The following TENM3 variants were observed in gnomAD, a reference collection of about 807,000 sequenced individuals.
The protein encoded by TENM3 is teneurin transmembrane protein 3, also known as teneurin-3.
TENM3 carries 63 observed loss-of-function variants against 255.1 expected under a neutral mutation model. The observed-to-expected ratio is 0.25, with a 90% confidence interval of 0.20 to 0.30. TENM3 has a LOEUF of 0.30. TENM3 is among the 10% of genes least tolerant of loss of function. The probability of loss-of-function intolerance (pLI) is 1.00; values close to 1 mark genes in which losing one functional copy is unlikely to be tolerated. For missense variants in TENM3, 2,929 were observed against 3,461.1 expected, an observed-to-expected ratio of 0.85 and a Z score of 3.86; for synonymous variants, 1,306 against 1,322.3, an observed-to-expected ratio of 0.99 and a Z score of 0.27.
At chr4:182,266,298 A>G (rs1759239516) in intron 1 of TENM3, among the ~76,000 whole-genome samples, 1 of 152,260 alleles carries the variant, frequency 6.6e-6, no homozygotes, top group Admixed American at 6.5e-5. Flanking sequence ...AGAAGATTGT[A>G]AGAAGTCATG....
At chr4:182,089,366 A>G in the TENM3 span, among the ~76,000 whole-genome samples, 1 of 152,224 alleles carries the variant, frequency 6.6e-6, no homozygotes, top group Non-Finnish European at 1.5e-5. Flanking sequence ...CAGCTTACCT[A>G]GGCAGCAGAG....
At chr4:181,978,520 G>A in the TENM3 span, among the ~76,000 whole-genome samples, 70 of 151,796 alleles carry the variant, frequency 4.6e-4, no homozygotes, top group East Asian at 1.9e-4. Context: ...GGTGGTGCGC[G>A]CCTGTAATCC....
chr4:181,610,369 G>A, the TENM3 span, among the ~76,000 whole-genome samples: 1 of 152,200 alleles, frequency 6.6e-6, no homozygotes, highest in Admixed American at 6.5e-5. Context: ...TGCCATTAAA[G>A]CAGAAATGAC....
chr4:182,313,940 C>T lies in TENM3; in HGVS notation c.-75-10006C>T, dbSNP rs550116724. Reference sequence around the variant, plus strand: ...TCCATCCTTCAGCCAGAGAGATCTTCCTAAGCTAAAAGTCTGATTTATACA... The same window carrying T: ...TCCATCCTTCAGCCAGAGAGATCTTTCTAAGCTAAAAGTCTGATTTATACA... On this transcript the variant is annotated intron_variant, in intron 1 of 27. Transcript: ENST00000511685. Among the ~76,000 whole-genome samples, 3 of 152,304 alleles carry T rather than the reference C, an allele frequency of 2.0e-5. No individual in the cohort carries two copies. In the South Asian group the frequency reaches 6.2e-4, roughly 32 times the overall value.
chr4:181,823,531 G>A, the TENM3 span, among the ~76,000 whole-genome samples: 2 of 152,052 alleles, frequency 1.3e-5, no homozygotes, highest in African/African-American at 2.4e-5. Flanking sequence ...GCATCAAGAG[G>A]AAAATAAGGA....
chr4:181,507,284 G>A, the TENM3 span, among the ~76,000 whole-genome samples: 1 of 152,164 alleles, frequency 6.6e-6, no homozygotes, highest in East Asian at 1.9e-4. Flanking sequence ...TTCTCAAAAA[G>A]CCTTCAGGGT....
the TENM3 span, among the ~76,000 whole-genome samples, chr4:181,828,432 C>T: frequency 0.2 from 29,970 of 152,230 alleles, 3,130 homozygotes; most frequent in South Asian, 0.29. Context: ...CCACTATTTG[C>T]ATAAATCTTC....
At position 182,789,591 on chromosome 4, in the gene TENM3, C is replaced by T. The variant is rs1345302343; in HGVS notation, c.5601+202C>T. Among the ~76,000 whole-genome samples the T allele has an allele frequency of 6.6e-6, 1 of 152,234 alleles. No homozygotes were observed. The highest frequency in any genetic ancestry group is 1.5e-5 in the Non-Finnish European group (1 of 68,042). ...GTAGTTTCTCCTTAGTTAAGTTCTACTGTCTGAGACCCTTTTAAGTGATTT... is the reference window on the plus strand; with the variant it reads ...GTAGTTTCTCCTTAGTTAAGTTCTATTGTCTGAGACCCTTTTAAGTGATTT... On this transcript the variant is annotated intron_variant, in intron 25 of 27. Transcript: ENST00000511685. The surrounding 1 kb of genome is among the most constrained non-coding windows in gnomAD (Gnocchi z 4.4).
intron 26 of TENM3, among the ~76,000 whole-genome samples, chr4:182,794,604 T>C (rs1013049342): frequency 5.9e-5 from 9 of 152,240 alleles, no homozygotes; most frequent in Admixed American, 4.6e-4. Flanking sequence ...AGTTCTTGCA[T>C]GGTGACAATA....
chr4:182,504,750 G>T (rs1736647695), intron 3 of TENM3, among the ~76,000 whole-genome samples: 1 of 152,160 alleles, frequency 6.6e-6, no homozygotes, highest in Non-Finnish European at 1.5e-5. Flanking sequence ...GCAAAAAGCA[G>T]CTCCACTTCT....
At chr4:181,576,997 T>C in the TENM3 span, among the ~76,000 whole-genome samples, 1 of 130,878 alleles carries the variant, frequency 7.6e-6, no homozygotes, top group African/African-American at 2.9e-5. Flanking sequence ...ATATATTATA[T>C]ATATAATATA....
At chr4:181,768,051 T>G in the TENM3 span, among the ~76,000 whole-genome samples, 5 of 152,188 alleles carry the variant, frequency 3.3e-5, no homozygotes, top group African/African-American at 1.2e-4. Flanking sequence ...AAAATGTTAT[T>G]TAAACCTTGG....
chr4:182,493,513 C>G (rs1735490715), intron 3 of TENM3, among the ~76,000 whole-genome samples: 1 of 152,068 alleles, frequency 6.6e-6, no homozygotes, highest in African/African-American at 2.4e-5. Flanking sequence ...AAAATGACAT[C>G]CAAAATAGCA....
At chr4:182,174,074 T>A (rs1372745828) in intron 1 of TENM3, among the ~76,000 whole-genome samples, 1 of 152,158 alleles carries the variant, frequency 6.6e-6, no homozygotes, top group Non-Finnish European at 1.5e-5. Context: ...AAAATTGTTT[T>A]ACACAGAAAT....
At chr4:182,010,718 A>G in the TENM3 span, among the ~76,000 whole-genome samples, 2 of 152,190 alleles carry the variant, frequency 1.3e-5, no homozygotes, top group African/African-American at 4.8e-5. Context: ...CCTTTTTATA[A>G]TTCCTATTTT....
intron 3 of TENM3, among the ~76,000 whole-genome samples, chr4:182,575,434 C>T (rs1409839898): frequency 2.0e-5 from 3 of 152,158 alleles, no homozygotes; most frequent in Non-Finnish European, 4.4e-5. Flanking sequence ...GCAGTCAGTA[C>T]ATGAACGAGT....
intron 18 of TENM3, among the ~76,000 whole-genome samples, chr4:182,740,201 A>T (rs760639523): frequency 1.1e-4 from 17 of 152,214 alleles, no homozygotes; most frequent in Non-Finnish European, 2.4e-4. Flanking sequence ...TACGTCCTGG[A>T]CATCAGGATG....
At chr4:182,442,847 T>TAC (rs10586825) in intron 3 of TENM3, among the ~76,000 whole-genome samples, 105 of 147,866 alleles carry the variant, frequency 7.1e-4, no homozygotes, top group African/African-American at 2.5e-3. Context: ...CATACATATA[T>TAC]ACACACACAC....
the TENM3 span, among the ~76,000 whole-genome samples, chr4:181,573,506 A>T: frequency 6.6e-6 from 1 of 152,184 alleles, no homozygotes; most frequent in African/African-American, 2.4e-5. Flanking sequence ...GAGGATAATT[A>T]TGTGGTAATA....
Sources: allele counts gnomAD v4.1 joint callset (sites outside exome capture counted in the v4.1 genomes callset), GRCh38; gene constraint gnomAD v4.1.1; non-coding constraint Gnocchi (gnomAD v3.1); transcripts MANE v1.5; gene names NCBI Gene and HGNC (gene_info 2026-07-23, HGNC 2026-07-21).